The following OPHN1 variants were observed in gnomAD, a reference collection of about 807,000 sequenced individuals.
OPHN1 encodes the protein oligophrenin-1.
Under a neutral mutation model 60.7 loss-of-function variants are expected in OPHN1, and 11 were observed. That is an observed-to-expected ratio of 0.18 (90% CI 0.11 to 0.30). The LOEUF (loss-of-function observed/expected upper bound fraction) is 0.30, where lower values mean the gene tolerates loss of function less well. Among genes scored for constraint, OPHN1 ranks in the 10% least tolerant of loss-of-function variants. The pLI, the probability that OPHN1 is intolerant of heterozygous loss-of-function variation, is 1.00. For missense variants in OPHN1, 449 were observed against 611.0 expected (o/e 0.73, Z 2.80); for synonymous variants, 226 against 222.6 (o/e 1.02, Z -0.14).
At chrX:68,244,842 G>A (rs2077797661) in intron 5 of OPHN1, among the ~76,000 whole-genome samples, 1 of 111,375 alleles carries the variant, frequency 9.0e-6, no homozygotes, top group Non-Finnish European at 1.9e-5. Flanking sequence ...TTACAGAAGA[G>A]GAATGAGCCT....
At chrX:68,311,831 A>T (rs2078175002) in intron 2 of OPHN1, among the ~76,000 whole-genome samples, 2 of 111,696 alleles carry the variant, frequency 1.8e-5, no homozygotes, top group Non-Finnish European at 3.8e-5. Context: ...ATCAGTAAGG[A>T]ATTTGTGTAC....
At chrX:68,152,887 T>C (rs1223308274) in intron 15 of OPHN1, among the ~76,000 whole-genome samples, 2 of 110,650 alleles carry the variant, frequency 1.8e-5, no homozygotes, top group African/African-American at 6.6e-5. Flanking sequence ...GGGCAGACAA[T>C]AGCTGTTAAC....
At chrX:68,400,609 CT>C (rs1365034623) in intron 2 of OPHN1, among the ~76,000 whole-genome samples, 14 of 93,122 alleles carry the variant, frequency 1.5e-4, no homozygotes, top group East Asian at 3.6e-4. Flanking sequence ...TTTCTTTTTT[CT>C]TTTTTTTTTG....
At chrX:68,310,540 C>T (rs991288595) in intron 2 of OPHN1, among the ~76,000 whole-genome samples, 10 of 110,380 alleles carry the variant, frequency 9.1e-5, no homozygotes, top group African/African-American at 3.0e-4. Context: ...AATTATAAAC[C>T]ACACTAGGAA....
At chrX:68,417,424 T>C (rs1394158617) in intron 2 of OPHN1, among the ~76,000 whole-genome samples, 1 of 112,201 alleles carries the variant, frequency 8.9e-6, no homozygotes, top group Admixed American at 9.5e-5. Flanking sequence ...CTCTCTCTTC[T>C]GCCCAGGACT....
intron 2 of OPHN1, among the ~76,000 whole-genome samples, chrX:68,388,871 C>A (rs1421548710): frequency 9.0e-6 from 1 of 110,788 alleles, no homozygotes; most frequent in East Asian, 2.8e-4. Flanking sequence ...TGGAAATAAT[C>A]TAAAATGTTT....
chrX:68,370,011 AATATATAT>A lies in OPHN1; in HGVS notation c.154+62848_154+62855del, dbSNP rs761607454. ...ACAGTGGGATGGCATAAATTGCTGAAATATATATATATATATATATATATATATATATA... is the reference window on the plus strand; with the variant it reads ...ACAGTGGGATGGCATAAATTGCTGAAATATATATATATATATATATATATA... On this transcript the variant is annotated intron_variant, in intron 2 of 24. Transcript: ENST00000355520. 5.7e-4 allele frequency among the ~76,000 whole-genome samples: 37 copies of A among 64,355 alleles called. 2 individuals carry two copies. Among genetic ancestry groups the A allele is most frequent in the Middle Eastern group, 7.1e-3 (1 of 140 alleles). The allele number at this position is 64,355 out of a possible 115,157, so 55.9% of individuals were successfully genotyped here.
Position 68,194,472 on chromosome X carries a change from C to A in OPHN1, c.1131G>T (p.Gln377His). ...AAAACTTAAGTGACTCACTTTCTTG[C>A]TGTTTTGTTATAGGGCTGTGGTAGA... ...EPIYHSPITKQQEMELNEVGF... is the reference protein window; with the variant it reads ...EPIYHSPITKHQEMELNEVGF... The change falls in exon 13 of 25, where the codon CAG (glutamine) becomes CAT (histidine). Residue 377 changes from glutamine (Q) to histidine (H), a missense_variant. Physicochemically the swap from Gln to His is conservative, Grantham distance 24. Transcript: ENST00000355520. 1 of 1,207,596 alleles carries A rather than the reference C, an allele frequency of 8.3e-7. No individual in the cohort carries two copies. Among genetic ancestry groups the A allele is most frequent in the Non-Finnish European group, 1.1e-6 (1 of 892,047 alleles).
At chrX:68,095,742 GA>G (rs1223625786) in intron 19 of OPHN1, among the ~76,000 whole-genome samples, 2 of 110,890 alleles carry the variant, frequency 1.8e-5, no homozygotes, top group Non-Finnish European at 3.8e-5. Context: ...CTTCTTTATT[GA>G]ATTATGCTTT....
At chrX:68,310,158 A>G (rs1231413766) in intron 2 of OPHN1, among the ~76,000 whole-genome samples, 2 of 111,491 alleles carry the variant, frequency 1.8e-5, no homozygotes, top group African/African-American at 6.5e-5. Context: ...ACTACCATGA[A>G]TAACAAGAAT....
intron 15 of OPHN1, among the ~76,000 whole-genome samples, chrX:68,177,458 T>G (rs2077419136): frequency 9.0e-6 from 1 of 111,383 alleles, no homozygotes; most frequent in Non-Finnish European, 1.9e-5. Context: ...GAATATACAG[T>G]CACAGCTAGA....
At chrX:68,102,961 C>T (rs1417043078) in intron 18 of OPHN1, among the ~76,000 whole-genome samples, 1 of 111,704 alleles carries the variant, frequency 9.0e-6, no homozygotes, top group Non-Finnish European at 1.9e-5. Flanking sequence ...AGAGGAGCTG[C>T]TACCATTCCT....
rs1160479184 is a variant in OPHN1, at chrX:68,078,921, G to A, written c.1687-5622C>T. Among the ~76,000 whole-genome samples, 3 of 109,375 alleles carry A rather than the reference G, an allele frequency of 2.7e-5. No homozygotes were observed. The East Asian group carries it at 8.6e-4, about 31-fold the overall frequency. The allele number at this position is 109,375 out of a possible 115,157, so 95.0% of individuals were successfully genotyped here. A position where few individuals can be genotyped will look rare whatever the true frequency, so the allele number is the denominator to read the frequency against. ...GAATTGCTCAAATCTGGAAGGTGGA[G>A]GTTGCAGTGAGCCCAGATTGCACCA... On this transcript the variant is annotated intron_variant, in intron 19 of 24. Transcript: ENST00000355520.
At chrX:68,341,693 C>T (rs1316668006) in intron 2 of OPHN1, among the ~76,000 whole-genome samples, 1 of 109,706 alleles carries the variant, frequency 9.1e-6, no homozygotes, top group Non-Finnish European at 1.9e-5. Flanking sequence ...AAAAAATTAG[C>T]CAGGCATGGC....
At chrX:68,304,385 T>G (rs760938215) in intron 2 of OPHN1, among the ~76,000 whole-genome samples, 2 of 111,122 alleles carry the variant, frequency 1.8e-5, no homozygotes, top group East Asian at 5.7e-4. Context: ...AGTATCTCAC[T>G]AGTTTTAATT....
chrX:68,095,504 G>A (rs780234700), intron 19 of OPHN1, among the ~76,000 whole-genome samples: 27 of 112,061 alleles, frequency 2.4e-4, no homozygotes, highest in Non-Finnish European at 4.1e-4. Flanking sequence ...TCAACTGCTC[G>A]CCAGGCATTG....
intron 2 of OPHN1, among the ~76,000 whole-genome samples, chrX:68,315,257 GAAGA>G (rs888358794): frequency 9.3e-6 from 1 of 107,184 alleles, no homozygotes; most frequent in Admixed American, 1.0e-4. Context: ...GGAAGAAAGG[GAAGA>G]AAGAAAGAAA....
chrX:68,109,353 C>T (rs1285157992), intron 18 of OPHN1, among the ~76,000 whole-genome samples: 1 of 111,627 alleles, frequency 9.0e-6, no homozygotes, highest in East Asian at 2.8e-4. Flanking sequence ...ATCAGTACTT[C>T]ATCCTTTTTT....
At chrX:68,153,626 C>T (rs1193511609) in intron 15 of OPHN1, among the ~76,000 whole-genome samples, 1 of 111,840 alleles carries the variant, frequency 8.9e-6, no homozygotes, top group Admixed American at 9.5e-5. Flanking sequence ...CTTTTTGTTA[C>T]TGGGGTAAGA....
Sources: allele counts gnomAD v4.1 joint callset (sites outside exome capture counted in the v4.1 genomes callset), GRCh38; gene constraint gnomAD v4.1.1; transcripts MANE v1.5; gene names NCBI Gene and HGNC (gene_info 2026-07-23, HGNC 2026-07-21).